The following SCUBE1 variants were observed in gnomAD, a reference collection of about 807,000 sequenced individuals.
SCUBE1 encodes signal peptide, CUB domain and EGF like domain containing 1, also known as signal peptide, CUB and EGF-like domain-containing protein 1.
SCUBE1 carries 59 observed loss-of-function variants against 124.4 expected under a neutral mutation model. The ratio of observed to expected loss-of-function variants is 0.47; its 90% CI spans 0.38 to 0.59. The LOEUF is 0.59. Ranked by LOEUF, SCUBE1 falls within the 20% of genes least tolerant of loss-of-function variation. The pLI, the probability that SCUBE1 is intolerant of heterozygous loss-of-function variation, is 0.00. For missense variants in SCUBE1, 1,150 were observed against 1,371.2 expected, an observed-to-expected ratio of 0.84 and a Z score of 2.55; for synonymous variants, 545 against 550.9, an observed-to-expected ratio of 0.99 and a Z score of 0.15.
chr22:43,312,343 G>A (rs1461840565), intron 3 of SCUBE1, among the ~76,000 whole-genome samples: 3 of 152,306 alleles, frequency 2.0e-5, no homozygotes, highest in African/African-American at 2.4e-5. Flanking sequence ...GCAAGGGGAG[G>A]TTTGGTTGGG....
intron 4 of SCUBE1, among the ~76,000 whole-genome samples, chr22:43,285,582 A>G (rs1219849477): frequency 6.6e-6 from 1 of 152,096 alleles, no homozygotes; most frequent in Non-Finnish European, 1.5e-5. Context: ...AGAGCCCAAC[A>G]GTTTTCCCTG....
At position 43,223,232 on chromosome 22, in the gene SCUBE1, C is replaced by G. The variant is rs372164330; in HGVS notation, c.1208-16G>C. The G allele has an allele frequency of 2.3e-5, 36 of 1,562,374 alleles. No homozygotes were observed. The African/African-American group carries it at 4.6e-4, about 20-fold the overall frequency. Reference sequence around the variant, plus strand: ...TTGCCTGTCTCTATGAAGGGAGATACGAGAGAGGGCTGAGAGAGGCCAGGG... The same window carrying G: ...TTGCCTGTCTCTATGAAGGGAGATAGGAGAGAGGGCTGAGAGAGGCCAGGG... On this transcript the variant is annotated splice_polypyrimidine_tract_variant and intron_variant, in intron 10 of 21. Coordinates refer to ENST00000360835, the MANE Select transcript of SCUBE1 (RefSeq NM_173050.5).
At chr22:43,205,733 ACC>A (rs1467396323) in intron 21 of SCUBE1, among the ~76,000 whole-genome samples, 1 of 44,142 alleles carries the variant, frequency 2.3e-5, no homozygotes, top group African/African-American at 1.4e-4. Flanking sequence ...CCCCACACAC[ACC>A]ACACGCCCAC....
intron 4 of SCUBE1, chr22:43,282,540 C>A (rs963464424): frequency 1.3e-5 from 2 of 152,170 alleles, no homozygotes; most frequent in Non-Finnish European, 1.5e-5. Flanking sequence ...CCCTCTCTTT[C>A]TACCACAAAC....
chr22:43,331,854 G>T (rs542279286), intron 2 of SCUBE1, among the ~76,000 whole-genome samples: 4 of 152,336 alleles, frequency 2.6e-5, no homozygotes, highest in African/African-American at 7.2e-5. Context: ...CATGCCCCAG[G>T]GGCCGGATGA....
At chr22:43,326,114 T>C (rs759615614) in intron 2 of SCUBE1, among the ~76,000 whole-genome samples, 4 of 152,120 alleles carry the variant, frequency 2.6e-5, no homozygotes, top group Non-Finnish European at 4.4e-5. Context: ...AGAAACATTC[T>C]CAAAATTAAG....
Position 43,255,488 on chromosome 22 carries a change from C to T in SCUBE1, c.727+2731G>A. ...AAAGGAAGTGGAAGAAAAGTGTTACCCATGAGTAGCCGCCGTTTCACCCGC... is the reference window on the plus strand; with the variant it reads ...AAAGGAAGTGGAAGAAAAGTGTTACTCATGAGTAGCCGCCGTTTCACCCGC... On this transcript the variant is annotated intron_variant, in intron 6 of 21. Coordinates refer to ENST00000360835, the MANE Select transcript of SCUBE1 (RefSeq NM_173050.5). The surrounding 1 kb of genome is among the most constrained non-coding windows in gnomAD (Gnocchi z 4.7). 6.5e-7 allele frequency: 1 copy of T among 1,550,332 alleles called. No homozygotes were observed. The highest frequency in any genetic ancestry group is 8.7e-7 in the Non-Finnish European group (1 of 1,146,826).
At chr22:43,241,381 C>T (rs1369343154) in intron 6 of SCUBE1, among the ~76,000 whole-genome samples, 1 of 152,116 alleles carries the variant, frequency 6.6e-6, no homozygotes, top group Non-Finnish European at 1.5e-5. Context: ...CTCCTCTTCC[C>T]TGAAGAGGAT....
intron 6 of SCUBE1, among the ~76,000 whole-genome samples, chr22:43,242,024 C>G (rs376125534): frequency 6.6e-6 from 1 of 152,236 alleles, no homozygotes; most frequent in Non-Finnish European, 1.5e-5. Context: ...GCCATTTATG[C>G]GGTGCCCACC....
intron 6 of SCUBE1, among the ~76,000 whole-genome samples, chr22:43,239,877 C>T (rs1032663393): frequency 6.6e-6 from 1 of 152,224 alleles, no homozygotes; most frequent in Admixed American, 6.5e-5. Flanking sequence ...CTTGGCATCA[C>T]CTGGACTCCT....
intron 7 of SCUBE1, among the ~76,000 whole-genome samples, chr22:43,236,471 T>G (rs1378878872): frequency 1.3e-5 from 2 of 152,236 alleles, no homozygotes; most frequent in African/African-American, 4.8e-5. Flanking sequence ...GACCCTACTG[T>G]GACCCCACTG....
intron 4 of SCUBE1, among the ~76,000 whole-genome samples, chr22:43,278,755 T>G (rs1924638948): frequency 6.6e-6 from 1 of 152,160 alleles, no homozygotes; most frequent in South Asian, 2.1e-4. Context: ...CCAGTGCAGC[T>G]CAGGGAAGCT....
rs991492848 is a variant in SCUBE1 at position 43,272,887 on chromosome 22, C to T, written c.485-10042G>A. 2.8e-4 allele frequency among the ~76,000 whole-genome samples: 43 copies of T among 152,250 alleles called. 1 individual carries two copies. The highest frequency in any genetic ancestry group is 6.0e-4 in the Non-Finnish European group (41 of 68,046). The stretch of plus-strand genomic sequence containing the variant: ...GAGGCTGAAGCCCACGAGACAGTGA[C>T]TGTCCTGGGTCACGCGGCTGTGACT... On this transcript the variant is annotated intron_variant, in intron 4 of 21. Transcript: ENST00000360835.
Position 43,210,323 on chromosome 22 carries a change from G to T in SCUBE1, c.2384-83C>A. On this transcript the variant is annotated intron_variant, in intron 18 of 21. Transcript: ENST00000360835. This position sits in a 1 kb window ranked among gnomAD's most constrained non-coding sequence, Gnocchi z 4.5. ...GGCCAGGCCTCTAACCACCTGGGAG[G>T]CCTAGGGCAGGGCTGGAAGGTGCTC... is the stretch of plus-strand genomic sequence containing the variant. The T allele has an allele frequency of 8.0e-7, 1 of 1,254,784 alleles. No individual in the cohort carries two copies. Among genetic ancestry groups the T allele is most frequent in the Non-Finnish European group, 1.1e-6 (1 of 936,770 alleles). 77.7% of individuals were successfully genotyped at this position (1,254,784 alleles called of 1,614,324 possible). A position where few individuals can be genotyped will look rare whatever the true frequency, so the allele number is the denominator to read the frequency against.
intron 4 of SCUBE1, among the ~76,000 whole-genome samples, chr22:43,276,621 C>T (rs900009527): frequency 6.6e-6 from 1 of 152,236 alleles, no homozygotes; most frequent in African/African-American, 2.4e-5. Flanking sequence ...CAGGCATCTG[C>T]CCGGTGGTTT....
rs143137953 is a variant in SCUBE1, at chr22:43,220,524, C to T, written c.1613G>A (p.Arg538His). 2.5e-5 allele frequency: 40 copies of T among 1,614,116 alleles called. 1 individual carries two copies. The highest frequency in any genetic ancestry group is 3.1e-5 in the Non-Finnish European group (36 of 1,180,006). ...GGACACCTCCTTGGATGGGGACTTGCGGCCACGGCGCCTCTTCTTGGAGGA... is the reference window on the plus strand; with the variant it reads ...GGACACCTCCTTGGATGGGGACTTGTGGCCACGGCGCCTCTTCTTGGAGGA... ...CDSSKKRRRGRKSPSKEVSHI... is the reference protein window; with the variant it reads ...CDSSKKRRRGHKSPSKEVSHI... Residue 538 changes from arginine to histidine, a missense_variant, in exon 14 of 22, where the codon CGC becomes CAC. Around this residue, in one of 3 missense-constraint regions of SCUBE1, gnomAD observed 757 missense variants for 840.9 expected, o/e 0.90. Coordinates refer to ENST00000360835, the MANE Select transcript of SCUBE1 (RefSeq NM_173050.5).
chr22:43,217,249 A>C (rs1041974063), intron 15 of SCUBE1, among the ~76,000 whole-genome samples: 20 of 151,376 alleles, frequency 1.3e-4, no homozygotes, highest in African/African-American at 4.4e-4. Flanking sequence ...TGTGGCTGCA[A>C]CTGCCCATCC....
At chr22:43,225,716 G>A (rs1922276305) in intron 10 of SCUBE1, among the ~76,000 whole-genome samples, 1 of 151,842 alleles carries the variant, frequency 6.6e-6, no homozygotes, top group African/African-American at 2.4e-5. Flanking sequence ...GTTTCTTTCT[G>A]AGAAACTAAA....
intron 4 of SCUBE1, among the ~76,000 whole-genome samples, chr22:43,284,415 G>C (rs1406746830): frequency 6.6e-6 from 1 of 152,350 alleles, no homozygotes; most frequent in Admixed American, 6.5e-5. Context: ...TGGAGCTGCA[G>C]GTGGTGCCAG....
Sources: gnomAD v4.1 joint callset for allele counts (sites outside exome capture counted in the v4.1 genomes callset) on GRCh38, gnomAD v4.1.1 for gene constraint, gnomAD v4.1.1 regional missense constraint, Gnocchi (gnomAD v3.1) non-coding constraint, MANE v1.5 for transcripts, NCBI Gene and HGNC (gene_info 2026-07-23, HGNC 2026-07-21) for gene names.